Variants in NXPH1 observed in about 807,000 individuals in gnomAD.
NXPH1 encodes the protein neurexophilin 1.
A neutral mutation model predicts 23.7 loss-of-function variants in NXPH1; 5 were observed. That is an observed-to-expected ratio of 0.21 (90% CI 0.11 to 0.44). The LOEUF (loss-of-function observed/expected upper bound fraction) is 0.44. Among genes scored for constraint, NXPH1 ranks in the 20% least tolerant of loss-of-function variants. NXPH1 has a pLI of 0.99. For synonymous variants in NXPH1, 144 were observed against 122.2 expected, an observed-to-expected ratio of 1.18 and a Z score of -1.18; for missense variants, 324 against 321.6, an observed-to-expected ratio of 1.01 and a Z score of -0.06.
intron 2 of NXPH1, among the ~76,000 whole-genome samples, chr7:8,440,607 A>AT (rs1419923199): frequency 1.3e-5 from 2 of 152,048 alleles, no homozygotes; most frequent in East Asian, 3.8e-4. Context: ...CTGAGGAAAG[A>AT]TTTTCTGCAG....
At chr7:8,633,490 C>T (rs146376403) in intron 2 of NXPH1, among the ~76,000 whole-genome samples, 97 of 152,248 alleles carry the variant, frequency 6.4e-4, no homozygotes, top group African/African-American at 2.3e-3. Flanking sequence ...GATGTGAAAG[C>T]GCACACACAT....
intron 2 of NXPH1, among the ~76,000 whole-genome samples, chr7:8,510,475 AT>A (rs1204030297): frequency 2.0e-5 from 3 of 152,092 alleles, no homozygotes; most frequent in African/African-American, 7.2e-5. Flanking sequence ...TAAAAAAAAA[AT>A]CTACATGTTC....
chr7:8,546,289 G>A (rs1344090570), intron 2 of NXPH1, among the ~76,000 whole-genome samples: 1 of 151,314 alleles, frequency 6.6e-6, no homozygotes, highest in East Asian at 2.0e-4. Context: ...AACTGAGTTC[G>A]GGAGAGAAAG....
chr7:8,567,351 G>T (rs539910713), intron 2 of NXPH1, among the ~76,000 whole-genome samples: 19 of 151,998 alleles, frequency 1.3e-4, no homozygotes, highest in African/African-American at 4.1e-4. Context: ...TTCTGCAGGG[G>T]TCTTATAGTA....
chr7:8,534,765 A>G (rs1022416075), intron 2 of NXPH1, among the ~76,000 whole-genome samples: 3 of 152,076 alleles, frequency 2.0e-5, no homozygotes, highest in Non-Finnish European at 2.9e-5. Context: ...TCAGGTAGGC[A>G]TTATCACCCC....
At chr7:8,499,927 G>A (rs1479712469) in intron 2 of NXPH1, among the ~76,000 whole-genome samples, 1 of 152,074 alleles carries the variant, frequency 6.6e-6, no homozygotes, top group Non-Finnish European at 1.5e-5. Flanking sequence ...CTTCCCTCAT[G>A]AGGAAGAAGC....
chr7:8,540,636 A>T (rs1818100878), intron 2 of NXPH1, among the ~76,000 whole-genome samples: 1 of 151,780 alleles, frequency 6.6e-6, no homozygotes, highest in Non-Finnish European at 1.5e-5. Flanking sequence ...TTTTAAAGAG[A>T]ATTTCCAAGG....
intron 2 of NXPH1, among the ~76,000 whole-genome samples, chr7:8,583,378 C>T (rs1818920161): frequency 6.6e-6 from 1 of 152,154 alleles, no homozygotes; most frequent in South Asian, 2.1e-4. Flanking sequence ...TACATGGCCT[C>T]TCTATGCCTC....
At chr7:8,685,112 G>T (rs1045536740) in intron 2 of NXPH1, among the ~76,000 whole-genome samples, 2 of 152,030 alleles carry the variant, frequency 1.3e-5, no homozygotes, top group Non-Finnish European at 1.5e-5. Context: ...GTTTCTATCT[G>T]TTCCTTTCAA....
intron 2 of NXPH1, among the ~76,000 whole-genome samples, chr7:8,517,231 C>T (rs1420644544): frequency 3.3e-5 from 5 of 151,984 alleles, no homozygotes; most frequent in East Asian, 1.9e-4. Flanking sequence ...CAGGGTGTTG[C>T]GGGGCCACAG....
intron 2 of NXPH1, among the ~76,000 whole-genome samples, chr7:8,723,121 G>A (rs1484529298): frequency 1.3e-5 from 2 of 151,994 alleles, no homozygotes; most frequent in Non-Finnish European, 2.9e-5. Flanking sequence ...TGTTTGCTTC[G>A]CATTTTAAAA....
chr7:8,558,290 T>G lies in NXPH1; in HGVS notation c.54+122523T>G, dbSNP rs532785636. Among the ~76,000 whole-genome samples the G allele has an allele frequency of 2.0e-5, 3 of 151,738 alleles. No individual in the cohort carries two copies. The South Asian group carries it at 6.2e-4, about 31-fold the overall frequency. On this transcript the variant is annotated intron_variant, in intron 2 of 2. Coordinates refer to ENST00000405863, the MANE Select transcript of NXPH1 (RefSeq NM_152745.3). ...TTTTTTGGCAAACATTAACAAGTCT[T>G]TTTGGGAGGTGGGAACTCCTGTGCA... is the stretch of plus-strand genomic sequence containing the variant.
At chr7:8,466,147 A>T (rs2128607601) in intron 2 of NXPH1, among the ~76,000 whole-genome samples, 1 of 152,332 alleles carries the variant, frequency 6.6e-6, no homozygotes, top group African/African-American at 2.4e-5. Flanking sequence ...AAAAGTCATT[A>T]AAAAATACAA....
chr7:8,612,955 G>C (rs534175688), intron 2 of NXPH1, among the ~76,000 whole-genome samples: 95 of 152,132 alleles, frequency 6.2e-4, no homozygotes, highest in African/African-American at 2.3e-3. Context: ...TTGTTGGGTA[G>C]GATGTGACCA....
intron 2 of NXPH1, among the ~76,000 whole-genome samples, chr7:8,747,464 C>A (rs1780490226): frequency 6.6e-6 from 1 of 152,110 alleles, no homozygotes; most frequent in African/African-American, 2.4e-5. Flanking sequence ...TCTTTTCCTC[C>A]TTCTTTGGGA....
intron 2 of NXPH1, among the ~76,000 whole-genome samples, chr7:8,537,278 A>G (rs918087928): frequency 6.6e-6 from 1 of 151,864 alleles, no homozygotes; most frequent in Non-Finnish European, 1.5e-5. Context: ...TGCTTTCTGA[A>G]GTTTAACAGA....
At chr7:8,567,162 A>C (rs1027162369) in intron 2 of NXPH1, among the ~76,000 whole-genome samples, 1 of 151,864 alleles carries the variant, frequency 6.6e-6, no homozygotes, top group African/African-American at 2.4e-5. Flanking sequence ...TTATGTTTCC[A>C]ACTCTAAATA....
intron 2 of NXPH1, among the ~76,000 whole-genome samples, chr7:8,638,736 G>C (rs1820258815): frequency 6.6e-6 from 1 of 152,102 alleles, no homozygotes; most frequent in South Asian, 2.1e-4. Flanking sequence ...TGTTTCAATA[G>C]TATGATTTTA....
intron 2 of NXPH1, among the ~76,000 whole-genome samples, chr7:8,744,621 G>T (rs550673732): frequency 6.6e-6 from 1 of 152,124 alleles, no homozygotes; most frequent in African/African-American, 2.4e-5. Context: ...CAGACCTTCA[G>T]ATCCTTGTTC....
Sources: gnomAD v4.1 joint callset for allele counts (sites outside exome capture counted in the v4.1 genomes callset) on GRCh38, gnomAD v4.1.1 for gene constraint, MANE v1.5 for transcripts, NCBI Gene and HGNC (gene_info 2026-07-23, HGNC 2026-07-21) for gene names.